Variants in ABAT observed in about 807,000 individuals in gnomAD.
ABAT encodes the protein 4-aminobutyrate aminotransferase.
Under a neutral mutation model 64.6 loss-of-function variants are expected in ABAT, and 45 were observed. The ratio of observed to expected loss-of-function variants is 0.70; its 90% CI spans 0.55 to 0.89. The LOEUF (loss-of-function observed/expected upper bound fraction) is 0.89, where lower values mean the gene tolerates loss of function less well. Ranked by LOEUF, ABAT falls within the 40% of genes least tolerant of loss-of-function variation. The probability of loss-of-function intolerance (pLI) is 0.00; values close to 1 mark genes in which losing one functional copy is unlikely to be tolerated. For missense variants in ABAT, 633 were observed against 658.4 expected (o/e 0.96, Z 0.42); for synonymous variants, 297 against 250.5 (o/e 1.19, Z -1.75).
intron 1 of ABAT, among the ~76,000 whole-genome samples, chr16:8,724,581 C>G (rs914784610): frequency 6.6e-6 from 1 of 151,932 alleles, no homozygotes; most frequent in African/African-American, 2.4e-5. Context: ...AAAAGAAATA[C>G]AAAGATTAGC....
In ABAT at chr16:8,755,998, G is replaced by A. The variant is rs144333563; in HGVS notation, c.317-1759G>A. Among the ~76,000 whole-genome samples the A allele has an allele frequency of 3.8e-3, 582 of 152,068 alleles. 4 individuals are homozygous for A. The highest frequency in any genetic ancestry group is 0.013 in the African/African-American group (548 of 41,460). Reference sequence around the variant, plus strand: ...CAGGAGGCGGAGCTTGCAGTGAGCCGAGATTGCTCCACTTCACTCCAGCCT... The same window carrying A: ...CAGGAGGCGGAGCTTGCAGTGAGCCAAGATTGCTCCACTTCACTCCAGCCT... On this transcript the variant is annotated intron_variant, in intron 5 of 15. Transcript: ENST00000268251.
intron 9 of ABAT, among the ~76,000 whole-genome samples, chr16:8,767,449 G>T (rs937756977): frequency 6.6e-6 from 1 of 152,194 alleles, no homozygotes; most frequent in African/African-American, 2.4e-5. Context: ...TGACCCGCCT[G>T]ACACCTGAGG....
intron 1 of ABAT, among the ~76,000 whole-genome samples, chr16:8,679,703 A>G (rs1331939370): frequency 1.3e-5 from 2 of 152,008 alleles, no homozygotes; most frequent in Non-Finnish European, 2.9e-5. Flanking sequence ...GCCAGGATGC[A>G]GAAGACAAAA....
chr16:8,690,704 C>T (rs1219970731), intron 1 of ABAT, among the ~76,000 whole-genome samples: 2 of 152,194 alleles, frequency 1.3e-5, no homozygotes, highest in African/African-American at 4.8e-5. Context: ...GTTCTTTCTG[C>T]ACCAAGTGGA....
chr16:8,738,013 A>AAAGAAAGAAAGAAAGAAAGG (rs1268824206), intron 2 of ABAT, among the ~76,000 whole-genome samples: 5 of 111,912 alleles, frequency 4.5e-5, no homozygotes, highest in East Asian at 2.7e-4. Context: ...AGAAAGAAAG[A>AAAGAAAGAAAGAAAGAAAGG]AAGGAAAGAA....
At chr16:8,708,875 A>G (rs188142044) in intron 1 of ABAT, among the ~76,000 whole-genome samples, 204 of 152,298 alleles carry the variant, frequency 1.3e-3, no homozygotes, top group Admixed American at 5.1e-3. Flanking sequence ...GAGAATAAAC[A>G]GCAGGTGCTC....
chr16:8,751,665 A>G (rs2059489199), intron 5 of ABAT, among the ~76,000 whole-genome samples: 1 of 152,186 alleles, frequency 6.6e-6, no homozygotes, highest in South Asian at 2.1e-4. Flanking sequence ...CTCCTCGGAA[A>G]AGTGGCTTCC....
intron 3 of ABAT, among the ~76,000 whole-genome samples, chr16:8,747,531 TATC>T (rs1218824578): frequency 6.6e-6 from 1 of 152,202 alleles, no homozygotes; most frequent in Non-Finnish European, 1.5e-5. Context: ...TCATGAATAT[TATC>T]CTGTATTTTT....
intron 8 of ABAT, chr16:8,765,922 C>G (rs2059930634): frequency 2.5e-6 from 1 of 399,580 alleles, no homozygotes; most frequent in African/African-American, 2.1e-5. Flanking sequence ...GCACATCTGG[C>G]CTCCATTCTT....
chr16:8,750,931 C>T (rs1200773210), intron 5 of ABAT, among the ~76,000 whole-genome samples: 1 of 147,514 alleles, frequency 6.8e-6, no homozygotes, highest in Non-Finnish European at 1.5e-5. Flanking sequence ...GTGGGGATTT[C>T]CTTTTTCCCT....
At chr16:8,742,853 G>A in intron 2 of ABAT, among the ~76,000 whole-genome samples, 1 of 127,994 alleles carries the variant, frequency 7.8e-6, no homozygotes, top group Non-Finnish European at 1.6e-5. Context: ...GCGACAGAGT[G>A]AGACCCTGTC....
intron 1 of ABAT, among the ~76,000 whole-genome samples, chr16:8,715,825 G>A (rs1293917746): frequency 6.6e-6 from 1 of 152,058 alleles, no homozygotes; most frequent in Admixed American, 6.6e-5. Flanking sequence ...TTGTATCTCA[G>A]ATCATTTGTA....
At chr16:8,714,151 T>C (rs1200163149) in intron 1 of ABAT, among the ~76,000 whole-genome samples, 1 of 152,086 alleles carries the variant, frequency 6.6e-6, no homozygotes. Context: ...GAAAGATGGA[T>C]ATAGAAATGA....
At chr16:8,778,056 A>G (rs1447358614) in intron 14 of ABAT, among the ~76,000 whole-genome samples, 3 of 152,190 alleles carry the variant, frequency 2.0e-5, no homozygotes, top group Non-Finnish European at 4.4e-5. Flanking sequence ...GCTGCCGTGA[A>G]ATAAGACTTG....
At chr16:8,779,065 TC>T (rs2060351912) in intron 14 of ABAT, among the ~76,000 whole-genome samples, 1 of 152,148 alleles carries the variant, frequency 6.6e-6, no homozygotes, top group Non-Finnish European at 1.5e-5. Context: ...CTGTGGAGCA[TC>T]CACCAAGTGC....
At chr16:8,771,064 G>A (rs1392516501) in intron 11 of ABAT, among the ~76,000 whole-genome samples, 3 of 152,142 alleles carry the variant, frequency 2.0e-5, no homozygotes, top group African/African-American at 7.2e-5. Context: ...GGGAGGTTGA[G>A]GCGGGCAGAT....
At position 8,768,943 on chromosome 16, in the gene ABAT, C is replaced by T; in HGVS notation, c.786C>T (p.Asn262=). 6.2e-7 allele frequency: 1 copy of T among 1,614,172 alleles called. No homozygotes were observed. Among genetic ancestry groups the T allele is most frequent in the Non-Finnish European group, 8.5e-7 (1 of 1,180,044 alleles). ...CTCTGGAAGAGTTTGTGAAAGAGAA[C>T]CAACAGGAGGAGGCCCGCTGTCTGG... The part of the protein sequence containing the change: ...KYPLEEFVKE[N]QQEEARCLEE... The change falls in exon 11 of 16, where the codon AAC becomes AAT. Residue 262 remains asparagine (N), a synonymous_variant. Coordinates refer to ENST00000268251, the MANE Select transcript of ABAT (RefSeq NM_020686.6).
In ABAT at chr16:8,700,377, G is replaced by A. The variant is rs147631091; in HGVS notation, c.-42+25666G>A. Reference sequence around the variant, plus strand: ...ACTAAACTTACATACGCGGCTCCATGAATTTTTACCTGAGAATGCAACCAT... The same window carrying A: ...ACTAAACTTACATACGCGGCTCCATAAATTTTTACCTGAGAATGCAACCAT... On this transcript the variant is annotated intron_variant, in intron 1 of 15. Coordinates refer to ENST00000268251, the MANE Select transcript of ABAT (RefSeq NM_020686.6). Among the ~76,000 whole-genome samples the A allele has an allele frequency of 3.0e-3, 460 of 152,218 alleles. 5 individuals are homozygous for A. The highest frequency in any genetic ancestry group is 0.01 in the African/African-American group (435 of 41,544).
intron 1 of ABAT, among the ~76,000 whole-genome samples, chr16:8,723,292 G>A (rs895437662): frequency 1.1e-4 from 16 of 152,140 alleles, no homozygotes; most frequent in African/African-American, 3.9e-4. Flanking sequence ...CTTCATCCAG[G>A]AGAAGGATGA....
Sources: allele counts gnomAD v4.1 joint callset (sites outside exome capture counted in the v4.1 genomes callset), GRCh38; gene constraint gnomAD v4.1.1; transcripts MANE v1.5; gene names NCBI Gene and HGNC (gene_info 2026-07-23, HGNC 2026-07-21).